The following PLIN1 variants were observed in gnomAD, a reference collection of about 807,000 sequenced individuals.
The protein encoded by PLIN1 is perilipin 1, also known as perilipin-1.
In PLIN1, 37 loss-of-function variants were observed where a neutral mutation model predicts 45.8. That is an observed-to-expected ratio of 0.81 (90% CI 0.62 to 1.06). The LOEUF (loss-of-function observed/expected upper bound fraction) is 1.06, where lower values mean the gene tolerates loss of function less well. PLIN1 is among the 50% of genes least tolerant of loss of function. The pLI is 0.00. For synonymous variants in PLIN1, 340 were observed against 309.2 expected, an observed-to-expected ratio of 1.10 and a Z score of -1.05; for missense variants, 776 against 716.5, an observed-to-expected ratio of 1.08 and a Z score of -0.95.
Position 89,665,708 on chromosome 15 carries a change from G to C in PLIN1, c.1444C>G (p.Pro482Ala). ...DEVATPAAPR[P>A]GFPAVPREKP... ...TCGCGGGGCACGGCCGGGAAGCCCG[G>C]GCGCGGCGCTGCGGGCGTGGCGACT... The change falls in exon 9 of 9, where the codon CCG becomes GCG. Residue 482 changes from proline to alanine, a missense_variant. Physicochemically the swap from Pro to Ala is conservative, Grantham distance 27. Coordinates refer to ENST00000300055, the MANE Select transcript of PLIN1 (RefSeq NM_002666.5). 6.8e-7 allele frequency: 1 copy of C among 1,468,742 alleles called. No individual in the cohort carries two copies. Among genetic ancestry groups the C allele is most frequent in the Non-Finnish European group, 9.0e-7 (1 of 1,113,242 alleles). 91.0% of individuals were successfully genotyped at this position (1,468,742 alleles called of 1,614,324 possible).
chr15:89,676,373 A>G lies in PLIN1; in HGVS notation c.45+1072T>C, dbSNP rs1055959855. ...TGCCATTCTCCTGCCTCAGTCTCCCAAGTAGCTGGGACTACAGGCGCCCGC... is the reference window on the plus strand; with the variant it reads ...TGCCATTCTCCTGCCTCAGTCTCCCGAGTAGCTGGGACTACAGGCGCCCGC... On this transcript the variant is annotated intron_variant, in intron 2 of 8. Transcript: ENST00000300055. 1.6e-4 allele frequency among the ~76,000 whole-genome samples: 25 copies of G among 152,112 alleles called. No individual in the cohort carries two copies. In the East Asian group the frequency reaches 2.5e-3, roughly 15 times the overall value.
chr15:89,667,507 G>C, intron 7 of PLIN1, 95 bp downstream of exon 7: 1 of 1,589,698 alleles, frequency 6.3e-7, no homozygotes, highest in Non-Finnish European at 8.6e-7. Context: ...CCGTGCCCCT[G>C]CATCTGGGGC....
At chr15:89,668,540 G>GAAGAAATT (rs1350597402) in intron 6 of PLIN1, among the ~76,000 whole-genome samples, 2 of 152,234 alleles carry the variant, frequency 1.3e-5, no homozygotes, top group East Asian at 3.8e-4. Context: ...TGTCCCATGG[G>GAAGAAATT]AAGAAATTGA....
chr15:89,677,950 G>C (rs1159442966), intron 1 of PLIN1: 1 of 162,786 alleles, frequency 6.1e-6, no homozygotes, highest in African/African-American at 2.4e-5. Flanking sequence ...GTAGAGATGG[G>C]GTTTCACCAT....
In PLIN1 at chr15:89,677,500, C is replaced by T; in HGVS notation, c.-11G>A. 1 of 1,613,990 alleles carries T rather than the reference C, an allele frequency of 6.2e-7. No homozygotes were observed. Among genetic ancestry groups the T allele is most frequent in the Non-Finnish European group, 8.5e-7 (1 of 1,179,848 alleles). ...TTTGTTGACTGCCATCCTCGCTCCT[C>T]AAGCTGCAAAACAGAGTCCCAGGTC... On this transcript the variant is annotated 5_prime_UTR_variant, in exon 2 of 9. Coordinates refer to ENST00000300055, the MANE Select transcript of PLIN1 (RefSeq NM_002666.5).
chr15:89,669,421 G>A (rs1312419592), intron 6 of PLIN1, 79 bp downstream of exon 6: 3 of 1,163,942 alleles, frequency 2.6e-6, no homozygotes, highest in East Asian at 2.3e-5. Flanking sequence ...AAGGGGTGAT[G>A]GGTGGGGGAT....
chr15:89,665,935 C>T lies in PLIN1; in HGVS notation c.1217G>A (p.Arg406Lys). Residue 406 changes from arginine (R) to lysine (K), a missense_variant, in exon 9 of 9, where the codon AGG becomes AAG. Arg to Lys is a conservative substitution (Grantham distance 26). Transcript: ENST00000300055. ...DTVVHYVPLP[R>K]LSLMEPESEF... ...GCTCTCGGGCTCCATCAGCGACAGC[C>T]TGGGGAGCTGAGGGCCCGGCAGCCG... The T allele has an allele frequency of 6.6e-7, 1 of 1,518,726 alleles. No individual in the cohort carries two copies. Among genetic ancestry groups the T allele is most frequent in the Non-Finnish European group, 8.8e-7 (1 of 1,139,556 alleles). The allele number at this position is 1,518,726 out of a possible 1,614,324, so 94.1% of individuals were successfully genotyped here.
chr15:89,671,683 A>G, intron 3 of PLIN1, 119 bp from the exon 4 acceptor site: 1 of 782,188 alleles, frequency 1.3e-6, no homozygotes, highest in Non-Finnish European at 2.3e-6. Flanking sequence ...CTGCCTCCCC[A>G]GCATCTCTGG....
At chr15:89,665,976 T>C in intron 8 of PLIN1, 34 bp from the exon 9 acceptor site, 1 of 1,452,342 alleles carries the variant, frequency 6.9e-7, no homozygotes, top group Admixed American at 2.2e-5. Flanking sequence ...GAGTCCTGGC[T>C]TGGCCCTGGG....
chr15:89,674,133 GC>G (rs1319431566), intron 2 of PLIN1, among the ~76,000 whole-genome samples: 6 of 152,232 alleles, frequency 3.9e-5, no homozygotes, highest in Admixed American at 1.3e-4. Context: ...CACAGTCAGG[GC>G]TGTGCCTAGT....
rs774464673 is a variant in PLIN1 at position 89,667,551 on chromosome 15, T to C, written c.963+51A>G. 2.5e-5 allele frequency: 41 copies of C among 1,613,910 alleles called. No homozygotes were observed. In the Middle Eastern group the frequency reaches 8.2e-4, roughly 32 times the overall value. On this transcript the variant is annotated intron_variant, in intron 7 of 8. Transcript: ENST00000300055. ...TGAGTTCACCCTATGCCTCTGCTTC[T>C]CACCCCTTCTGTGGGCTGGGGGACC...
chr15:89,667,404 C>T (rs1473527701), intron 7 of PLIN1, among the ~76,000 whole-genome samples, 198 bp downstream of exon 7: 3 of 152,226 alleles, frequency 2.0e-5, no homozygotes, highest in Non-Finnish European at 4.4e-5. Flanking sequence ...TGCCTATTTA[C>T]AGAGTGTTGC....
chr15:89,670,064 G>A lies in PLIN1; in HGVS notation c.514C>T (p.Leu172=). The change falls in exon 5 of 9, where the codon CTG becomes TTG. Residue 172 remains leucine, a synonymous_variant. Coordinates refer to ENST00000300055, the MANE Select transcript of PLIN1 (RefSeq NM_002666.5). ...EFAANTRAGR[L]ASGGADLALG... is the part of the protein sequence containing the mutation. ...GCCAAGTCGGCCCCTCCAGAAGCCA[G>A]TCGGCCAGCTCGAGTGTTGGCAGCA... 6.2e-7 allele frequency: 1 copy of A among 1,614,164 alleles called. No individual in the cohort carries two copies. Among genetic ancestry groups the A allele is most frequent in the Non-Finnish European group, 8.5e-7 (1 of 1,180,030 alleles).
In PLIN1 at chr15:89,677,512, C is replaced by A; in HGVS notation, c.-14-9G>T. ...CATCCTCGCTCCTCAAGCTGCAAAA[C>A]AGAGTCCCAGGTCCCATCAGAAGCC... On this transcript the variant is annotated splice_polypyrimidine_tract_variant and intron_variant, in intron 1 of 8. Coordinates refer to ENST00000300055, the MANE Select transcript of PLIN1 (RefSeq NM_002666.5). The A allele has an allele frequency of 6.2e-7, 1 of 1,613,306 alleles. No homozygotes were observed. The highest frequency in any genetic ancestry group is 8.5e-7 in the Non-Finnish European group (1 of 1,179,258).
chr15:89,675,100 A>G (rs1964496121), intron 2 of PLIN1, among the ~76,000 whole-genome samples: 1 of 152,088 alleles, frequency 6.6e-6, no homozygotes, highest in Non-Finnish European at 1.5e-5. Flanking sequence ...TCGATGACAG[A>G]ATGACACCCT....
At chr15:89,671,939 G>A (rs1254121217) in intron 3 of PLIN1, among the ~76,000 whole-genome samples, 1 of 152,240 alleles carries the variant, frequency 6.6e-6, no homozygotes, top group East Asian at 1.9e-4. Flanking sequence ...AATGATGGGA[G>A]CTATATGAAT....
intron 1 of PLIN1, among the ~76,000 whole-genome samples, chr15:89,678,353 T>C (rs1964550541): frequency 6.6e-6 from 1 of 151,218 alleles, no homozygotes; most frequent in Non-Finnish European, 1.5e-5. Flanking sequence ...CTGCTAAAAA[T>C]ACAAAAATTA....
intron 2 of PLIN1, among the ~76,000 whole-genome samples, chr15:89,676,062 C>A (rs368838710): frequency 3.0e-4 from 41 of 136,128 alleles, no homozygotes; most frequent in African/African-American, 8.8e-4. Flanking sequence ...GAAAAAAAAA[C>A]CCAGGTCAGA....
At chr15:89,676,170 A>T (rs1464498684) in intron 2 of PLIN1, among the ~76,000 whole-genome samples, 1 of 152,190 alleles carries the variant, frequency 6.6e-6, no homozygotes, top group African/African-American at 2.4e-5. Flanking sequence ...TAGGAGGCAG[A>T]GTTCAAAGAC....
Sources: gnomAD v4.1 joint callset for allele counts (sites outside exome capture counted in the v4.1 genomes callset) on GRCh38, gnomAD v4.1.1 for gene constraint, MANE v1.5 for transcripts, NCBI Gene and HGNC (gene_info 2026-07-23, HGNC 2026-07-21) for gene names.